PHACTR2: variants seen among roughly 807,000 people sequenced by gnomAD.
PHACTR2 encodes chromosome 6 open reading frame 56.
A neutral mutation model predicts 76.0 loss-of-function variants in PHACTR2; 30 were observed. That is an observed-to-expected ratio of 0.39 (90% CI 0.30 to 0.54). The LOEUF is 0.54. Among genes scored for constraint, PHACTR2 ranks in the 20% least tolerant of loss-of-function variants. The pLI is 0.61. For synonymous variants in PHACTR2, 292 were observed against 292.5 expected, an observed-to-expected ratio of 1.00 and a Z score of 0.02; for missense variants, 696 against 781.1, an observed-to-expected ratio of 0.89 and a Z score of 1.30.
chr6:143,736,554 A>ATTTTTTTTTT lies in PHACTR2; in HGVS notation c.215-12402_215-12393dup, dbSNP rs776969170. On this transcript the variant is annotated intron_variant, in intron 2 of 12. Transcript: ENST00000440869. The stretch of plus-strand genomic sequence containing the variant: ...TGTAATTTATGCCAAACCCTTTACA[A>ATTTTTTTTTT]TTTTTTTTTTTTTTTTTTTTTTTTT... 1.1e-4 allele frequency among the ~76,000 whole-genome samples: 6 copies of ATTTTTTTTTT among 56,990 alleles called. 1 individual carries two copies. The highest frequency in any genetic ancestry group is 3.3e-4 in the African/African-American group (5 of 15,358). 37.4% of individuals were successfully genotyped at this position (56,990 alleles called of 152,430 possible). A position where few individuals can be genotyped will look rare whatever the true frequency, so the allele number is the denominator to read the frequency against.
chr6:143,585,886 G>A lies in PHACTR2; in HGVS notation c.217+48679G>A, dbSNP rs571733263. Among the ~76,000 whole-genome samples, 36 of 152,268 alleles carry A rather than the reference G, an allele frequency of 2.4e-4. No homozygotes were observed. The highest frequency in any genetic ancestry group is 8.4e-4 in the African/African-American group (35 of 41,542). ...CCAGCAGCAGGGGATTTTAAGCTGG[G>A]GCCGCTAGCACTTCATGGCAGGGAC... On this transcript the variant is annotated intron_variant, in intron 1 of 11. Transcript: ENST00000367584. The surrounding 1 kb of genome is among the most constrained non-coding windows in gnomAD (Gnocchi z 5.2).
Position 143,823,599 on chromosome 6 carries a change from C to CA in PHACTR2, c.1923-74dup. Reference sequence around the variant, plus strand: ...GGTACCTTTTCATTGTAAACATGACCACGCCTTATTCAGCTCACTGCATGC... The same window carrying CA: ...GGTACCTTTTCATTGTAAACATGACCAACGCCTTATTCAGCTCACTGCATGC... On this transcript the variant is annotated intron_variant, in intron 12 of 12. Coordinates refer to ENST00000440869, the MANE Select transcript of PHACTR2 (RefSeq NM_001100164.2). This position sits in a 1 kb window ranked among gnomAD's most constrained non-coding sequence, Gnocchi z 5.7. 1 of 1,118,026 alleles carries CA rather than the reference C, an allele frequency of 8.9e-7. No homozygotes were observed. The highest frequency in any genetic ancestry group is 1.4e-6 in the Non-Finnish European group (1 of 735,746). 69.3% of individuals were successfully genotyped at this position (1,118,026 alleles called of 1,614,324 possible).
intron 6 of PHACTR2, among the ~76,000 whole-genome samples, chr6:143,770,791 A>AT (rs1775081537): frequency 6.6e-6 from 1 of 151,868 alleles, no homozygotes. Flanking sequence ...ATTACTATGT[A>AT]TTTTTTAGTC....
rs895883483 is a variant in PHACTR2, at chr6:143,549,224, C to G, written c.217+12017C>G. The stretch of plus-strand genomic sequence containing the variant: ...TCCTTCAGGAAGATTAATAGTGGGC[C>G]TCACATGGCAGATCAGGCCTAGGTC... On this transcript the variant is annotated intron_variant, in intron 1 of 11. Transcript: ENST00000367584. This position sits in a 1 kb window ranked among gnomAD's most constrained non-coding sequence, Gnocchi z 4.2. Among the ~76,000 whole-genome samples, 1 of 151,960 alleles carries G rather than the reference C, an allele frequency of 6.6e-6. No individual in the cohort carries two copies. The highest frequency in any genetic ancestry group is 2.4e-5 in the African/African-American group (1 of 41,394).
At position 143,678,879 on chromosome 6, in the gene PHACTR2, C is replaced by A. The variant is rs1474731489; in HGVS notation, c.46+670C>A. 2.6e-5 allele frequency among the ~76,000 whole-genome samples: 4 copies of A among 150,984 alleles called. No individual in the cohort carries two copies. The highest frequency in any genetic ancestry group is 4.4e-5 in the Non-Finnish European group (3 of 67,832). On this transcript the variant is annotated intron_variant, in intron 1 of 12. Transcript: ENST00000440869. The surrounding 1 kb of genome is among the most constrained non-coding windows in gnomAD (Gnocchi z 6.2). ...CTCTGTTTTAAAAGTTTCTTTTTTCCATTTTCTTAAACAAAAAGAGGGAAG... is the reference window on the plus strand; with the variant it reads ...CTCTGTTTTAAAAGTTTCTTTTTTCAATTTTCTTAAACAAAAAGAGGGAAG...
At position 143,827,450 on chromosome 6, in the gene PHACTR2, G is replaced by A. The variant is rs1196413221; in HGVS notation, c.*3761G>A. 1.3e-5 allele frequency: 2 copies of A among 151,808 alleles called. No individual in the cohort carries two copies. Among genetic ancestry groups the A allele is most frequent in the South Asian group, 2.1e-4 (1 of 4,802 alleles). The allele number at this position is 151,808 out of a possible 1,614,324, so 9.4% of individuals were successfully genotyped here. Reference sequence around the variant, plus strand: ...TCCTGCCCAAAAATTTCTTCAGTCTGTTATTATTTTTAAGTGCCCCTTGCT... The same window carrying A: ...TCCTGCCCAAAAATTTCTTCAGTCTATTATTATTTTTAAGTGCCCCTTGCT... On this transcript the variant is annotated 3_prime_UTR_variant, in exon 13 of 13. Transcript: ENST00000440869.
chr6:143,660,831 A>C (rs1044278300), intron 1 of PHACTR2, among the ~76,000 whole-genome samples: 1 of 152,234 alleles, frequency 6.6e-6, no homozygotes, highest in Non-Finnish European at 1.5e-5. Flanking sequence ...CAGGCCAGAT[A>C]TTGAGAGTTA....
At chr6:143,632,537 G>C (rs1310982611) in intron 1 of PHACTR2, among the ~76,000 whole-genome samples, 2 of 152,108 alleles carry the variant, frequency 1.3e-5, no homozygotes, top group African/African-American at 4.8e-5. Context: ...CCCGACTATG[G>C]ACATCCACCA....
intron 1 of PHACTR2, among the ~76,000 whole-genome samples, chr6:143,636,214 G>GA (rs397950323): frequency 0.42 from 58,465 of 140,158 alleles, 11,981 homozygotes; most frequent in Non-Finnish European, 0.47. Context: ...ACCTGTCTCA[G>GA]AAAAAAAAAA....
Position 143,827,770 on chromosome 6 carries a change from G to A in PHACTR2, c.*4081G>A, listed in dbSNP as rs1052857379. ...AAATGGCTAGATCTTTCACTACTGT[G>A]TAGGTAGTCTCTACTTACTGGTAGG... is the stretch of plus-strand genomic sequence containing the variant. On this transcript the variant is annotated 3_prime_UTR_variant, in exon 13 of 13. Coordinates refer to ENST00000440869, the MANE Select transcript of PHACTR2 (RefSeq NM_001100164.2). 6.6e-6 allele frequency: 1 copy of A among 152,202 alleles called. No homozygotes were observed. Among genetic ancestry groups the A allele is most frequent in the African/African-American group, 2.4e-5 (1 of 41,442 alleles). The allele number at this position is 152,202 out of a possible 1,614,324, so 9.4% of individuals were successfully genotyped here. A position where few individuals can be genotyped will look rare whatever the true frequency, so the allele number is the denominator to read the frequency against.
chr6:143,729,739 C>T (rs1778659287), intron 2 of PHACTR2, among the ~76,000 whole-genome samples: 1 of 152,074 alleles, frequency 6.6e-6, no homozygotes. Flanking sequence ...AGTATTATAT[C>T]TTCTAGGTTC....
In PHACTR2 at chr6:143,750,121, C is replaced by T. The variant is rs1209349414; in HGVS notation, c.295+1056C>T. Among the ~76,000 whole-genome samples the T allele has an allele frequency of 1.3e-5, 2 of 152,082 alleles. No homozygotes were observed. Among genetic ancestry groups the T allele is most frequent in the Admixed American group, 1.3e-4 (2 of 15,258 alleles). ...AATTCCAGAGTGGAGCTGAGAAATG[C>T]TTTCCTGTTTTTCTCCTGATTCAAA... On this transcript the variant is annotated intron_variant, in intron 3 of 12. Coordinates refer to ENST00000440869, the MANE Select transcript of PHACTR2 (RefSeq NM_001100164.2). The surrounding 1 kb of genome is among the most constrained non-coding windows in gnomAD (Gnocchi z 4.6).
rs182577096 is a variant in PHACTR2, at chr6:143,827,402, T to G, written c.*3713T>G. 2.6e-5 allele frequency: 4 copies of G among 151,826 alleles called. No homozygotes were observed. Among genetic ancestry groups the G allele is most frequent in the African/African-American group, 7.2e-5 (3 of 41,440 alleles). The allele number at this position is 151,826 out of a possible 1,614,324, so 9.4% of individuals were successfully genotyped here. A position where few individuals can be genotyped will look rare whatever the true frequency, so the allele number is the denominator to read the frequency against. On this transcript the variant is annotated 3_prime_UTR_variant, in exon 13 of 13. Transcript: ENST00000440869. ...TACCACAGAGGAGTATGTCCACACT[T>G]AATAATGAAAACTTTCTTCCTTTCC...
chr6:143,739,821 G>A lies in PHACTR2; in HGVS notation c.215-9164G>A, dbSNP rs960710. Reference sequence around the variant, plus strand: ...ATGTCCATTCCCTTCTGCTGTTTGCGCAGGTCTAAGACAATCACCTCTTCC... The same window carrying A: ...ATGTCCATTCCCTTCTGCTGTTTGCACAGGTCTAAGACAATCACCTCTTCC... On this transcript the variant is annotated intron_variant, in intron 2 of 12. Coordinates refer to ENST00000440869, the MANE Select transcript of PHACTR2 (RefSeq NM_001100164.2). This position sits in a 1 kb window ranked among gnomAD's most constrained non-coding sequence, Gnocchi z 4.3. 0.17 allele frequency among the ~76,000 whole-genome samples: 26,392 copies of A among 152,018 alleles called. 2,421 individuals are homozygous for A. Among genetic ancestry groups the A allele is most frequent in the South Asian group, 0.28 (1,335 of 4,820 alleles).
rs990324581 is a variant in PHACTR2, at chr6:143,647,119, G to A, written c.13+38797G>A. Among the ~76,000 whole-genome samples the A allele has an allele frequency of 7.2e-5, 11 of 152,158 alleles. No individual in the cohort carries two copies. The highest frequency in any genetic ancestry group is 1.3e-4 in the Non-Finnish European group (9 of 68,030). Reference sequence around the variant, plus strand: ...CCATTAAGATATAAAACATTTTATGGTGCCGGGTTGCTGTTGACCTACATT... The same window carrying A: ...CCATTAAGATATAAAACATTTTATGATGCCGGGTTGCTGTTGACCTACATT... On this transcript the variant is annotated intron_variant, in intron 1 of 11. Coordinates refer to the PHACTR2 transcript ENST00000305766. The surrounding 1 kb of genome is among the most constrained non-coding windows in gnomAD (Gnocchi z 4.2).
Position 143,774,305 on chromosome 6 carries a change from C to A in PHACTR2, c.1589+90C>A. The stretch of plus-strand genomic sequence containing the variant: ...ACCTAACTGGGGTCATTGTGAATTC[C>A]TTATGTACAGATACATCTGGCCTAC... On this transcript the variant is annotated intron_variant, in intron 8 of 12. Transcript: ENST00000440869. The surrounding 1 kb of genome is among the most constrained non-coding windows in gnomAD (Gnocchi z 5.4). 1 of 1,008,958 alleles carries A rather than the reference C, an allele frequency of 9.9e-7. No homozygotes were observed. The allele number at this position is 1,008,958 out of a possible 1,614,324, so 62.5% of individuals were successfully genotyped here.
At chr6:143,786,861 G>A (rs1010603436) in intron 10 of PHACTR2, among the ~76,000 whole-genome samples, 2 of 152,116 alleles carry the variant, frequency 1.3e-5, no homozygotes, top group Non-Finnish European at 2.9e-5. Flanking sequence ...GGGAATTCTG[G>A]AGATACAATT....
chr6:143,706,572 G>A (rs140094001), intron 1 of PHACTR2, among the ~76,000 whole-genome samples: 4 of 152,160 alleles, frequency 2.6e-5, no homozygotes, highest in Non-Finnish European at 4.4e-5. Flanking sequence ...TGCCACTCCC[G>A]TACTTCCTTG....
In PHACTR2 at chr6:143,550,552, C is replaced by T. The variant is rs930295147; in HGVS notation, c.217+13345C>T. ...TTGATGAAGTATCTAAACTAATCCA[C>T]GCTTTGAAGGATCTAGAGAGAGAGC... On this transcript the variant is annotated intron_variant, in intron 1 of 11. Transcript: ENST00000367584. This position sits in a 1 kb window ranked among gnomAD's most constrained non-coding sequence, Gnocchi z 4.8. Among the ~76,000 whole-genome samples, 8 of 152,074 alleles carry T rather than the reference C, an allele frequency of 5.3e-5. No homozygotes were observed. Among genetic ancestry groups the T allele is most frequent in the South Asian group, 2.1e-4 (1 of 4,818 alleles).
Sources: gnomAD v4.1 joint callset for allele counts (sites outside exome capture counted in the v4.1 genomes callset) on GRCh38, gnomAD v4.1.1 for gene constraint, Gnocchi (gnomAD v3.1) non-coding constraint, MANE v1.5 for transcripts, NCBI Gene and HGNC (gene_info 2026-07-23, HGNC 2026-07-21) for gene names.